Variants in ADCY9 observed in about 807,000 individuals in gnomAD.
ADCY9 encodes the protein adenylate cyclase type 9.
A neutral mutation model predicts 101.5 loss-of-function variants in ADCY9; 50 were observed. The observed-to-expected ratio is 0.49, with a 90% CI of 0.39 to 0.62. The LOEUF (loss-of-function observed/expected upper bound fraction) is 0.62. ADCY9 is among the 20% of genes least tolerant of loss of function. The pLI is 0.00. For missense variants in ADCY9, 1,662 were observed against 1,800.4 expected, an observed-to-expected ratio of 0.92 and a Z score of 1.39; for synonymous variants, 905 against 769.3, an observed-to-expected ratio of 1.18 and a Z score of -2.92.
In ADCY9 at chr16:4,114,621, G is replaced by T; in HGVS notation, c.822C>A (p.Ala274=). The T allele has an allele frequency of 6.2e-7, 1 of 1,613,686 alleles. No individual in the cohort carries two copies. The highest frequency in any genetic ancestry group is 1.1e-5 in the South Asian group (1 of 91,086). Residue 274 remains alanine (A), a synonymous_variant, in exon 2 of 11, where the codon GCC becomes GCA. Transcript: ENST00000294016. This position sits in a 1 kb window ranked among gnomAD's most constrained non-coding sequence, Gnocchi z 4.3. The stretch of plus-strand genomic sequence containing the variant: ...TCAGCAGCTCCCAGTGCAGGGCCCC[G>T]GCTCCGGGCGAGGGGAAGCAGGCTT... ...RDEACFPSPG[A]GALHWELLSR...
chr16:3,972,194 G>C (rs1036542780), intron 10 of ADCY9, among the ~76,000 whole-genome samples: 1 of 151,748 alleles, frequency 6.6e-6, no homozygotes, highest in Non-Finnish European at 1.5e-5. Context: ...AATTCAAATA[G>C]CAAAGATCCA....
intron 2 of ADCY9, among the ~76,000 whole-genome samples, chr16:4,009,151 C>T (rs1461969100): frequency 6.6e-6 from 1 of 152,150 alleles, no homozygotes; most frequent in African/African-American, 2.4e-5. Flanking sequence ...GCCAAGAGTC[C>T]TAGAAACACG....
chr16:3,991,178 G>A (rs989701837), intron 5 of ADCY9, among the ~76,000 whole-genome samples: 1 of 152,160 alleles, frequency 6.6e-6, no homozygotes, highest in Admixed American at 6.5e-5. Flanking sequence ...GAATTCTGAT[G>A]GGGAATGAAA....
intron 2 of ADCY9, among the ~76,000 whole-genome samples, chr16:4,107,805 G>A (rs755218737): frequency 8.5e-5 from 13 of 152,108 alleles, no homozygotes; most frequent in Non-Finnish European, 1.9e-4. Context: ...TTTCCGGCAT[G>A]AGACAGGTGT....
chr16:4,075,249 C>G (rs1347658025), intron 2 of ADCY9, among the ~76,000 whole-genome samples: 2 of 152,180 alleles, frequency 1.3e-5, no homozygotes, highest in Non-Finnish European at 2.9e-5. Context: ...AGCAATTCTC[C>G]TGTCCCAGCC....
intron 2 of ADCY9, among the ~76,000 whole-genome samples, chr16:4,100,648 G>C (rs1248050647): frequency 6.6e-6 from 1 of 150,804 alleles, no homozygotes; most frequent in East Asian, 1.9e-4. Context: ...CAACTTTATA[G>C]CAGTGTTAGA....
intron 2 of ADCY9, among the ~76,000 whole-genome samples, chr16:4,080,389 G>A (rs1253479748): frequency 4.6e-5 from 7 of 151,982 alleles, no homozygotes; most frequent in East Asian, 3.9e-4. Context: ...GACTACAGGC[G>A]TGCGCCACCA....
chr16:4,006,400 G>C (rs1182092482), intron 3 of ADCY9, among the ~76,000 whole-genome samples: 2 of 152,188 alleles, frequency 1.3e-5, no homozygotes, highest in Admixed American at 6.5e-5. Flanking sequence ...CGTGTAACTG[G>C]GCGACAGGCA....
intron 2 of ADCY9, among the ~76,000 whole-genome samples, chr16:4,029,479 G>A (rs935807789): frequency 6.6e-6 from 1 of 152,200 alleles, no homozygotes; most frequent in Admixed American, 6.5e-5. Context: ...AGGCCCGGGG[G>A]CTCACACATG....
intron 9 of ADCY9, among the ~76,000 whole-genome samples, chr16:3,976,433 G>C (rs1157898308): frequency 6.6e-6 from 1 of 152,110 alleles, no homozygotes; most frequent in South Asian, 2.1e-4. Flanking sequence ...ATTTTTTGTA[G>C]TACAATGATG....
downstream of ADCY9, among the ~76,000 whole-genome samples, chr16:3,959,704 A>T (rs1175051588): frequency 6.6e-6 from 1 of 152,186 alleles, no homozygotes; most frequent in African/African-American, 2.4e-5. Context: ...TCACACATTA[A>T]ATTCTAAAAT....
At chr16:4,071,043 G>C (rs1235830192) in intron 2 of ADCY9, among the ~76,000 whole-genome samples, 1 of 150,988 alleles carries the variant, frequency 6.6e-6, no homozygotes, top group Non-Finnish European at 1.5e-5. Context: ...AAGTAACCAA[G>C]TAGTAGCCAG....
chr16:4,001,008 C>CACACATAT (rs3222326), intron 3 of ADCY9, among the ~76,000 whole-genome samples: 3 of 135,626 alleles, frequency 2.2e-5, no homozygotes, highest in Non-Finnish European at 5.2e-5. Flanking sequence ...CACACACACA[C>CACACATAT]ATATATAATT....
chr16:4,116,306 C>A lies in ADCY9; in HGVS notation c.-660G>T. 1 of 146,006 alleles carries A rather than the reference C, an allele frequency of 6.8e-6. No individual in the cohort carries two copies. Among genetic ancestry groups the A allele is most frequent in the South Asian group, 1.9e-4 (1 of 5,344 alleles). The allele number at this position is 146,006 out of a possible 1,614,324, so 9.0% of individuals were successfully genotyped here. A position where few individuals can be genotyped will look rare whatever the true frequency, so the allele number is the denominator to read the frequency against. On this transcript the variant is annotated 5_prime_UTR_variant, in exon 1 of 11. Transcript: ENST00000294016. ...GGCCGGGACGCCCGCCCGCCCGCGC[C>A]CACGCCGGGGGCCGCCTCCCCGAGC...
At chr16:4,092,261 C>T (rs1035619707) in intron 2 of ADCY9, among the ~76,000 whole-genome samples, 1 of 152,138 alleles carries the variant, frequency 6.6e-6, no homozygotes, top group African/African-American at 2.4e-5. Context: ...CAGAGCAAGA[C>T]CCTGTCTCAA....
At chr16:4,112,762 A>G (rs1384880249) in intron 2 of ADCY9, among the ~76,000 whole-genome samples, 1 of 152,172 alleles carries the variant, frequency 6.6e-6, no homozygotes, top group Non-Finnish European at 1.5e-5. Flanking sequence ...TCCACAACAG[A>G]TGTTCCCCTC....
At chr16:3,961,015 A>C (rs897670660), downstream of ADCY9, among the ~76,000 whole-genome samples, 1 of 152,068 alleles carries the variant, frequency 6.6e-6, no homozygotes, top group African/African-American at 2.4e-5. Context: ...GTGGGGGAAA[A>C]GCAACCATGT....
At chr16:4,054,923 A>C (rs568215739) in intron 2 of ADCY9, among the ~76,000 whole-genome samples, 2 of 152,188 alleles carry the variant, frequency 1.3e-5, no homozygotes, top group African/African-American at 2.4e-5. Context: ...ATGCTGTACA[A>C]CACCACTCGA....
Position 4,110,366 on chromosome 16 carries a change from C to T in ADCY9, c.1693+3384G>A, listed in dbSNP as rs1385529713. ...AGCTCAGGGCAGTTTTGCAATCATA[C>T]TTATACCTACTTTTTTTTTTTTTTT... On this transcript the variant is annotated intron_variant, in intron 2 of 10. Transcript: ENST00000294016. Among the ~76,000 whole-genome samples, 9 of 145,068 alleles carry T rather than the reference C, an allele frequency of 6.2e-5. No individual in the cohort carries two copies. The Admixed American group carries it at 6.2e-4, about 10-fold the overall frequency.
Sources: allele counts gnomAD v4.1 joint callset (sites outside exome capture counted in the v4.1 genomes callset), GRCh38; gene constraint gnomAD v4.1.1; non-coding constraint Gnocchi (gnomAD v3.1); transcripts MANE v1.5; gene names NCBI Gene and HGNC (gene_info 2026-07-23, HGNC 2026-07-21).